Variants in SLC4A10 observed in about 807,000 individuals in gnomAD.
The protein encoded by SLC4A10 is sodium-driven chloride bicarbonate exchanger.
In SLC4A10, 42 loss-of-function variants were observed where a neutral mutation model predicts 137.7. That is an observed-to-expected ratio of 0.30 (90% CI 0.24 to 0.39). The LOEUF is 0.39. Ranked by LOEUF, SLC4A10 falls within the 10% of genes least tolerant of loss-of-function variation. The probability of loss-of-function intolerance (pLI) is 1.00; values close to 1 mark genes in which losing one functional copy is unlikely to be tolerated. For synonymous variants in SLC4A10, 474 were observed against 464.1 expected, an observed-to-expected ratio of 1.02 and a Z score of -0.27; for missense variants, 925 against 1,355.0, an observed-to-expected ratio of 0.68 and a Z score of 4.98.
intron 10 of SLC4A10, among the ~76,000 whole-genome samples, chr2:161,890,090 G>T (rs2062759318): frequency 6.6e-6 from 1 of 152,196 alleles, no homozygotes. Flanking sequence ...CCACGTAGTT[G>T]TGTGGTTTTG....
chr2:161,825,411 G>T (rs1346382441), intron 3 of SLC4A10, among the ~76,000 whole-genome samples: 1 of 152,136 alleles, frequency 6.6e-6, no homozygotes, highest in African/African-American at 2.4e-5. Flanking sequence ...GGCTTAGCAA[G>T]AATTTGAGTT....
chr2:161,967,485 C>G (rs975975302), intron 23 of SLC4A10, among the ~76,000 whole-genome samples: 1 of 152,122 alleles, frequency 6.6e-6, no homozygotes, highest in Non-Finnish European at 1.5e-5. Flanking sequence ...TATGAAAATG[C>G]TCAGTGAACC....
Position 161,690,435 on chromosome 2 carries a change from C to T in SLC4A10, c.48+65869C>T, listed in dbSNP as rs576349245. 2.0e-5 allele frequency among the ~76,000 whole-genome samples: 3 copies of T among 152,248 alleles called. No individual in the cohort carries two copies. The East Asian group carries it at 5.8e-4, about 29-fold the overall frequency. ...GAAATGCCATTTGACCCAGCAATCCCATTACTGGCTACATACCCAAAGGAA... is the reference window on the plus strand; with the variant it reads ...GAAATGCCATTTGACCCAGCAATCCTATTACTGGCTACATACCCAAAGGAA... On this transcript the variant is annotated intron_variant, in intron 1 of 26. Coordinates refer to ENST00000446997, the MANE Select transcript of SLC4A10 (RefSeq NM_001178015.2).
intron 15 of SLC4A10, among the ~76,000 whole-genome samples, chr2:161,933,705 G>T (rs1444642515): frequency 6.6e-6 from 1 of 152,168 alleles, no homozygotes; most frequent in Admixed American, 6.6e-5. Context: ...TCAATGCCAT[G>T]TTTGACTTAT....
At chr2:161,931,278 G>A (rs1162073800) in intron 15 of SLC4A10, 1 of 152,362 alleles carries the variant, frequency 6.6e-6, no homozygotes, top group Non-Finnish European at 1.5e-5. Context: ...GTCAAAGACA[G>A]GACTCTGGCC....
chr2:161,929,079 C>A (rs1476880120), intron 15 of SLC4A10, among the ~76,000 whole-genome samples: 1 of 152,032 alleles, frequency 6.6e-6, no homozygotes, highest in Non-Finnish European at 1.5e-5. Context: ...ATAGTACTGG[C>A]CCTTTTATTT....
intron 8 of SLC4A10, among the ~76,000 whole-genome samples, chr2:161,877,964 T>C (rs2061534943): frequency 6.6e-6 from 1 of 152,120 alleles, no homozygotes; most frequent in African/African-American, 2.4e-5. Context: ...GATTAATTAG[T>C]TACAAAACTT....
chr2:161,925,499 C>A (rs1352401575), intron 15 of SLC4A10, among the ~76,000 whole-genome samples: 3 of 152,114 alleles, frequency 2.0e-5, no homozygotes, highest in Non-Finnish European at 4.4e-5. Context: ...TTTCAAAAAA[C>A]CAGCTCCTGG....
chr2:161,953,813 T>A (rs906797952), intron 19 of SLC4A10, among the ~76,000 whole-genome samples: 1 of 152,210 alleles, frequency 6.6e-6, no homozygotes, highest in Non-Finnish European at 1.5e-5. Context: ...TGAAGTATCA[T>A]GTATATTATA....
At chr2:161,630,512 C>T (rs1034637472) in intron 1 of SLC4A10, among the ~76,000 whole-genome samples, 9 of 151,502 alleles carry the variant, frequency 5.9e-5, no homozygotes, top group African/African-American at 1.2e-4. Flanking sequence ...CCTTAATTTA[C>T]GGATGATGGA....
intron 1 of SLC4A10, among the ~76,000 whole-genome samples, chr2:161,702,919 G>T (rs2043272351): frequency 1.3e-5 from 2 of 151,606 alleles, no homozygotes; most frequent in South Asian, 4.1e-4. Flanking sequence ...AGTCTATTTG[G>T]TTTAATTATA....
intron 1 of SLC4A10, among the ~76,000 whole-genome samples, chr2:161,762,359 G>C (rs955018531): frequency 2.0e-5 from 3 of 152,112 alleles, no homozygotes; most frequent in Admixed American, 1.3e-4. Context: ...CTTATGCTTA[G>C]ATTTCAATTC....
At position 161,982,108 on chromosome 2, in the gene SLC4A10, G is replaced by A. The variant is rs563594092; in HGVS notation, c.*27-1071G>A. Among the ~76,000 whole-genome samples, 15 of 152,274 alleles carry A rather than the reference G, an allele frequency of 9.9e-5. No individual in the cohort carries two copies. In the South Asian group the frequency reaches 3.1e-3, roughly 32 times the overall value. ...TTGGAGAAGAGTTATAAAACCAAGG[G>A]TGCGGTCCATTGTCAAGTGTTTCAT... is the stretch of plus-strand genomic sequence containing the variant. On this transcript the variant is annotated intron_variant, in intron 26 of 26. Transcript: ENST00000446997.
chr2:161,804,341 AT>A, intron 2 of SLC4A10, 107 bp from the exon 3 acceptor site: 1 of 1,242,290 alleles, frequency 8.0e-7, no homozygotes, highest in Non-Finnish European at 1.1e-6. Context: ...AACATCAAAA[AT>A]GACTTGCTGA....
intron 1 of SLC4A10, among the ~76,000 whole-genome samples, chr2:161,699,213 G>A (rs1364523559): frequency 6.6e-6 from 1 of 152,038 alleles, no homozygotes. Context: ...GTAGAGACGG[G>A]GTTTCACTGT....
Position 161,971,155 on chromosome 2 carries a change from A to C in SLC4A10, c.3160-3094A>C, listed in dbSNP as rs145239470. Reference sequence around the variant, plus strand: ...TACCTGCCATTGAATGGATTAATTAATAGCCCCTGGATTATTCTTCTTGTT... The same window carrying C: ...TACCTGCCATTGAATGGATTAATTACTAGCCCCTGGATTATTCTTCTTGTT... On this transcript the variant is annotated intron_variant, in intron 23 of 26. Coordinates refer to ENST00000446997, the MANE Select transcript of SLC4A10 (RefSeq NM_001178015.2). 5.9e-5 allele frequency among the ~76,000 whole-genome samples: 9 copies of C among 152,376 alleles called. No individual in the cohort carries two copies. The East Asian group carries it at 1.7e-3, about 29-fold the overall frequency.
intron 1 of SLC4A10, among the ~76,000 whole-genome samples, chr2:161,717,926 C>T (rs62189008): frequency 0.075 from 11,450 of 152,120 alleles, 540 homozygotes; most frequent in East Asian, 0.14. Flanking sequence ...TGGTCCTGGG[C>T]TGTTTTGTTT....
At chr2:161,645,280 T>C (rs554473847) in intron 1 of SLC4A10, among the ~76,000 whole-genome samples, 13 of 152,220 alleles carry the variant, frequency 8.5e-5, no homozygotes. Context: ...TGGGCTTCTA[T>C]GGAAATCTTA....
intron 1 of SLC4A10, among the ~76,000 whole-genome samples, chr2:161,686,736 AT>A (rs1052630370): frequency 5.9e-5 from 9 of 152,144 alleles, no homozygotes; most frequent in African/African-American, 1.9e-4. Context: ...AACAATTTTT[AT>A]TTTTTTAATT....
Sources: gnomAD v4.1 joint callset for allele counts (sites outside exome capture counted in the v4.1 genomes callset) on GRCh38, gnomAD v4.1.1 for gene constraint, MANE v1.5 for transcripts, NCBI Gene and HGNC (gene_info 2026-07-23, HGNC 2026-07-21) for gene names.